DAB1: variants seen among roughly 807,000 people sequenced by gnomAD.
DAB1 encodes the protein DAB adaptor protein 1, also known as disabled homolog 1.
A neutral mutation model predicts 64.6 loss-of-function variants in DAB1; 15 were observed. The ratio of observed to expected loss-of-function variants is 0.23; its 90% CI spans 0.16 to 0.36. DAB1 has a LOEUF of 0.36. Ranked by LOEUF, DAB1 falls within the 10% of genes least tolerant of loss-of-function variation. The pLI is 1.00. For missense variants in DAB1, 596 were observed against 706.7 expected (o/e 0.84, Z 1.78); for synonymous variants, 235 against 251.9 (o/e 0.93, Z 0.64).
chr1:57,779,840 C>T (rs957760378), intron 6 of DAB1, among the ~76,000 whole-genome samples: 3 of 152,138 alleles, frequency 2.0e-5, no homozygotes, highest in African/African-American at 7.2e-5. Flanking sequence ...CCCCATCACA[C>T]TTTACCTCTC....
chr1:57,846,557 C>T (rs146076354), intron 1 of DAB1, among the ~76,000 whole-genome samples: 303 of 151,956 alleles, frequency 2.0e-3, no homozygotes, highest in African/African-American at 7.0e-3. Context: ...CTACTCTGTG[C>T]TGTTTACTCT....
chr1:57,145,535 A>T, intron 2 of DAB1, 106 bp from the exon 3 acceptor site: 2 of 1,220,618 alleles, frequency 1.6e-6, no homozygotes, highest in Non-Finnish European at 2.3e-6. Flanking sequence ...ACATTCCCGG[A>T]AAGTCAAATC....
intron 2 of DAB1, among the ~76,000 whole-genome samples, chr1:57,229,370 T>C (rs1667506054): frequency 6.6e-6 from 1 of 152,066 alleles, no homozygotes; most frequent in African/African-American, 2.4e-5. Flanking sequence ...AATTGTTTTG[T>C]ATTTTGTTGA....
At chr1:58,438,914 G>A (rs1473080644) in intron 3 of DAB1, among the ~76,000 whole-genome samples, 1 of 152,100 alleles carries the variant, frequency 6.6e-6, no homozygotes, top group African/African-American at 2.4e-5. Flanking sequence ...CCATGGCTTC[G>A]AGTCCAGTTT....
At chr1:58,209,573 G>C (rs973834601) in intron 4 of DAB1, among the ~76,000 whole-genome samples, 1 of 152,014 alleles carries the variant, frequency 6.6e-6, no homozygotes, top group African/African-American at 2.4e-5. Flanking sequence ...TTTTCTTAAA[G>C]ACCAGGAATG....
chr1:57,263,945 G>T (rs1670389217), intron 2 of DAB1, among the ~76,000 whole-genome samples: 1 of 152,066 alleles, frequency 6.6e-6, no homozygotes, highest in Non-Finnish European at 1.5e-5. Flanking sequence ...GTACCACAAG[G>T]GGAAAATTGT....
chr1:58,533,519 T>C (rs1646469020), intron 1 of DAB1, among the ~76,000 whole-genome samples: 1 of 152,196 alleles, frequency 6.6e-6, no homozygotes. Flanking sequence ...CACATCATTC[T>C]AGACATTTTC....
intron 7 of DAB1, among the ~76,000 whole-genome samples, chr1:57,438,344 G>A (rs973678255): frequency 6.6e-6 from 1 of 152,136 alleles, no homozygotes; most frequent in Non-Finnish European, 1.5e-5. Flanking sequence ...TAAGTGTACA[G>A]TACAGTGAAA....
At chr1:57,046,224 A>G (rs1028985849) in intron 9 of DAB1, among the ~76,000 whole-genome samples, 1 of 152,206 alleles carries the variant, frequency 6.6e-6, no homozygotes, top group East Asian at 1.9e-4. Context: ...TTGTTAAGCA[A>G]TGAAGCCTTT....
intron 5 of DAB1, among the ~76,000 whole-genome samples, chr1:58,026,308 A>T (rs2100466751): frequency 6.6e-6 from 1 of 152,254 alleles, no homozygotes; most frequent in South Asian, 2.1e-4. Flanking sequence ...AGCACAGTGC[A>T]TTGTTTAGAA....
At chr1:57,247,622 G>A (rs1217261934) in intron 2 of DAB1, among the ~76,000 whole-genome samples, 2 of 152,218 alleles carry the variant, frequency 1.3e-5, no homozygotes, top group African/African-American at 2.4e-5. Context: ...ACTGTAGGAT[G>A]TTTCTAAAAC....
chr1:57,981,164 CT>C (rs976583808), intron 5 of DAB1, among the ~76,000 whole-genome samples: 3 of 151,928 alleles, frequency 2.0e-5, no homozygotes, highest in Non-Finnish European at 4.4e-5. Context: ...CATTATTTGC[CT>C]CATCTGTATA....
In DAB1 at chr1:58,537,062, TTCTC is replaced by T. The variant is rs150887072; in HGVS notation, n.32+9637_32+9640del. Among the ~76,000 whole-genome samples the T allele has an allele frequency of 2.2e-3, 326 of 145,854 alleles. 1 individual carries two copies. The highest frequency in any genetic ancestry group is 6.6e-3 in the African/African-American group (262 of 39,720). ...TTATTACTATCTAGTACATGCAAAA[TTCTC>T]TCTCTCTCTCTCTCTCTCTGTATAT... On this transcript the variant is annotated intron_variant and non_coding_transcript_variant, in intron 1 of 20. Transcript: ENST00000485760.
intron 4 of DAB1, among the ~76,000 whole-genome samples, chr1:58,203,787 G>T (rs556486440): frequency 2.0e-5 from 3 of 152,266 alleles, no homozygotes; most frequent in Admixed American, 2.0e-4. Context: ...AGTCTAAAAT[G>T]ATGTATTTTG....
intron 5 of DAB1, among the ~76,000 whole-genome samples, chr1:57,909,129 A>T (rs1189058767): frequency 2.0e-5 from 3 of 152,224 alleles, no homozygotes; most frequent in East Asian, 3.8e-4. Context: ...TAGCAACAGC[A>T]GCTAGAATAG....
Position 58,162,049 on chromosome 1 carries a change from A to G in DAB1, n.310-11461T>C, listed in dbSNP as rs191033221. On this transcript the variant is annotated intron_variant and non_coding_transcript_variant, in intron 4 of 20. Transcript: ENST00000485760. ...ACAATAGGTACAGAGGGGCTGAGACAGGTTATTTAGGGGGAAGAGGTAACA... is the reference window on the plus strand; with the variant it reads ...ACAATAGGTACAGAGGGGCTGAGACGGGTTATTTAGGGGGAAGAGGTAACA... Among the ~76,000 whole-genome samples, 95 of 152,292 alleles carry G rather than the reference A, an allele frequency of 6.2e-4. 1 individual carries two copies. The highest frequency in any genetic ancestry group is 2.1e-3 in the Admixed American group (32 of 15,288).
chr1:57,570,439 A>T (rs1645180710), intron 7 of DAB1, among the ~76,000 whole-genome samples: 2 of 151,920 alleles, frequency 1.3e-5, no homozygotes, highest in Admixed American at 1.3e-4. Context: ...CCTTATGTTT[A>T]ACCCACCTTA....
chr1:57,588,140 C>A (rs1645401972), intron 7 of DAB1, among the ~76,000 whole-genome samples: 1 of 152,200 alleles, frequency 6.6e-6, no homozygotes, highest in African/African-American at 2.4e-5. Flanking sequence ...GCTACACACA[C>A]AAGAAACATT....
chr1:58,177,009 C>T (rs1557683344), intron 4 of DAB1, among the ~76,000 whole-genome samples: 1 of 150,976 alleles, frequency 6.6e-6, no homozygotes. Flanking sequence ...CACCTCTCAA[C>T]ACTGTTACAA....
Sources: gnomAD v4.1 joint callset for allele counts (sites outside exome capture counted in the v4.1 genomes callset) on GRCh38, gnomAD v4.1.1 for gene constraint, MANE v1.5 for transcripts, NCBI Gene and HGNC (gene_info 2026-07-23, HGNC 2026-07-21) for gene names.